Variants in SLC50A1 observed in about 807,000 individuals in gnomAD.
SLC50A1 encodes the protein solute carrier family 50 member 1, also known as sugar transporter SWEET1.
In SLC50A1, 22 loss-of-function variants were observed where a neutral mutation model predicts 28.9. The ratio of observed to expected loss-of-function variants is 0.76; its 90% confidence interval spans 0.54 to 1.09. The LOEUF (loss-of-function observed/expected upper bound fraction) is 1.09. SLC50A1 is among the 50% of genes least tolerant of loss of function. The pLI is 0.00. For synonymous variants in SLC50A1, 96 were observed against 110.6 expected (o/e 0.87, Z 0.83); for missense variants, 233 against 273.4 (o/e 0.85, Z 1.04).
chr1:155,137,276 G>A, intron 3 of SLC50A1: 1 of 552,750 alleles, frequency 1.8e-6, no homozygotes, highest in Non-Finnish European at 3.2e-6. Flanking sequence ...GAGATGATTA[G>A]CTCTGCGTCC....
intron 1 of SLC50A1, 141 bp downstream of exon 1, chr1:155,136,132 G>A: frequency 9.0e-7 from 1 of 1,114,272 alleles, no homozygotes. Flanking sequence ...GGGGTACAAG[G>A]GCGAGGCTGG....
At chr1:155,137,432 G>A (rs917930352) in intron 3 of SLC50A1, 129 bp from the exon 4 acceptor site, 10 of 1,074,108 alleles carry the variant, frequency 9.3e-6, no homozygotes, top group Non-Finnish European at 1.3e-5. Context: ...AAGAAGCTGT[G>A]ACAGTGCAGT....
At position 155,137,569 on chromosome 1, in the gene SLC50A1, G is replaced by A. The variant is rs1664561342; in HGVS notation, c.291G>A (p.Val97=). The A allele has an allele frequency of 6.2e-7, 1 of 1,613,952 alleles. No homozygotes were observed. Among genetic ancestry groups the A allele is most frequent in the Admixed American group, 1.7e-5 (1 of 59,990 alleles). ...YLHYCPRKRV[V]LLQTATLLGV... ...TACTCTCTCCCCTGCAGCGTGTTGT[G>A]CTCCTACAGACTGCAACCCTGCTAG... Residue 97 remains valine, a synonymous_variant, in exon 4 of 6, where the codon GTG becomes GTA. Transcript: ENST00000368404.
chr1:155,135,964 T>C lies in SLC50A1; in HGVS notation c.53T>C (p.Phe18Ser), dbSNP rs755410334. 7.4e-6 allele frequency: 12 copies of C among 1,613,982 alleles called. No individual in the cohort carries two copies. Among genetic ancestry groups the C allele is most frequent in the Admixed American group, 1.7e-5 (1 of 60,012 alleles). The change falls in exon 1 of 6, where the codon TTC (phenylalanine) becomes TCC (serine). Residue 18 changes from phenylalanine (F) to serine (S), a missense_variant. By Grantham distance (155) the Phe-to-Ser change is radical (BLOSUM62 -2). Transcript: ENST00000368404. ...DSLIYGACVVFTLGMFSAGLS... is the reference protein window; with the variant it reads ...DSLIYGACVVSTLGMFSAGLS... ...CTCATTTACGGAGCATGCGTGGTCT[T>C]CACCCTTGGCATGTTCTCCGCCGGC...
chr1:155,135,950 A>G lies in SLC50A1; in HGVS notation c.39A>G (p.Gly13=). ...GCTTTCTGGACTCGCTCATTTACGG[A>G]GCATGCGTGGTCTTCACCCTTGGCA... ...AGGFLDSLIY[G]ACVVFTLGMF... The change falls in exon 1 of 6, where the codon GGA becomes GGG. Residue 13 remains glycine, a synonymous_variant. Transcript: ENST00000368404. 1 of 1,613,874 alleles carries G rather than the reference A, an allele frequency of 6.2e-7. No individual in the cohort carries two copies. The highest frequency in any genetic ancestry group is 8.5e-7 in the Non-Finnish European group (1 of 1,179,958).
chr1:155,138,127 G>A, intron 5 of SLC50A1, 29 bp downstream of exon 5: 1 of 1,614,130 alleles, frequency 6.2e-7, no homozygotes, highest in Non-Finnish European at 8.5e-7. Flanking sequence ...GGGTGACAGG[G>A]GTGCAAGATG....
chr1:155,137,592 TA>T lies in SLC50A1; in HGVS notation c.315del (p.Val107SerfsTer45). The T allele has an allele frequency of 6.2e-7, 1 of 1,614,124 alleles. No individual in the cohort carries two copies. Among genetic ancestry groups the T allele is most frequent in the Non-Finnish European group, 8.5e-7 (1 of 1,179,974 alleles). On this transcript the variant is annotated frameshift_variant, in exon 4 of 6. Transcript: ENST00000368404. LOFTEE classifies it high-confidence loss of function. The stretch of plus-strand genomic sequence containing the variant: ...GTGCTCCTACAGACTGCAACCCTGC[TA>T]GGGGTCCTTCTCCTGGGTTATGGCT... The part of the protein sequence containing the change: ...RVVLLQTATL[L>X]GVLLLGYGYF...
In SLC50A1 at chr1:155,137,626, G is replaced by T; in HGVS notation, c.348G>T (p.Trp116Cys). Residue 116 changes from tryptophan (W) to cysteine (C), a missense_variant, in exon 4 of 6, where the codon TGG (tryptophan) becomes TGT (cysteine). By Grantham distance (215) the Trp-to-Cys change is radical. Transcript: ENST00000368404. ...TTCTCCTGGGTTATGGCTACTTTTG[G>T]CTCCTGGTACCCAACCCTGAGGCCC... The part of the protein sequence containing the change: ...GVLLLGYGYF[W>C]LLVPNPEARL... 6.2e-7 allele frequency: 1 copy of T among 1,614,204 alleles called. No homozygotes were observed. The highest frequency in any genetic ancestry group is 8.5e-7 in the Non-Finnish European group (1 of 1,180,032).
Position 155,137,588 on chromosome 1 carries a change from C to A in SLC50A1, c.310C>A (p.Leu104Met). 1.9e-6 allele frequency: 3 copies of A among 1,614,122 alleles called. No homozygotes were observed. Among genetic ancestry groups the A allele is most frequent in the Non-Finnish European group, 2.5e-6 (3 of 1,180,000 alleles). ...KRVVLLQTAT[L>M]LGVLLLGYGY... ...TGTTGTGCTCCTACAGACTGCAACCCTGCTAGGGGTCCTTCTCCTGGGTTA... is the reference window on the plus strand; with the variant it reads ...TGTTGTGCTCCTACAGACTGCAACCATGCTAGGGGTCCTTCTCCTGGGTTA... Residue 104 changes from leucine (L) to methionine (M), a missense_variant, in exon 4 of 6, where the codon CTG becomes ATG. Physicochemically the swap from Leu to Met is conservative, Grantham distance 15. Transcript: ENST00000368404.
rs752551689 is a variant in SLC50A1 at position 155,137,603 on chromosome 1, C to A, written c.325C>A (p.Leu109Ile). The change falls in exon 4 of 6, where the codon CTC (leucine) becomes ATC (isoleucine). Residue 109 changes from leucine (L) to isoleucine (I), a missense_variant. By Grantham distance (5) the Leu-to-Ile change is conservative. Transcript: ENST00000368404. ...GACTGCAACCCTGCTAGGGGTCCTT[C>A]TCCTGGGTTATGGCTACTTTTGGCT... ...LQTATLLGVL[L>I]LGYGYFWLLV... 6.2e-7 allele frequency: 1 copy of A among 1,614,216 alleles called. No homozygotes were observed. The highest frequency in any genetic ancestry group is 1.7e-5 in the Admixed American group (1 of 60,030).
chr1:155,138,116 G>A lies in SLC50A1; in HGVS notation c.564+18G>A, dbSNP rs759628355. ...ATATCATGGTAAGCACAACTGGGATGGGGTGACAGGGGTGCAAGATGGAAA... is the reference window on the plus strand; with the variant it reads ...ATATCATGGTAAGCACAACTGGGATAGGGTGACAGGGGTGCAAGATGGAAA... On this transcript the variant is annotated intron_variant, in intron 5 of 5. Transcript: ENST00000368404. 2.5e-6 allele frequency: 4 copies of A among 1,614,050 alleles called. No individual in the cohort carries two copies. In the African/African-American group the frequency reaches 4.0e-5, roughly 16 times the overall value.
At chr1:155,135,837 G>A (rs1285003965), upstream of SLC50A1, 2 of 1,599,932 alleles carry the variant, frequency 1.3e-6, no homozygotes, top group African/African-American at 2.7e-5. Flanking sequence ...CAGAGCCGCA[G>A]GTCTGGGCTG....
chr1:155,137,367 A>G (rs558277173), intron 3 of SLC50A1, among the ~76,000 whole-genome samples, 194 bp from the exon 4 acceptor site: 5 of 152,338 alleles, frequency 3.3e-5, no homozygotes, highest in African/African-American at 9.6e-5. Context: ...TATCTCCCCC[A>G]GAAGTCTCCA....
intron 4 of SLC50A1, 89 bp downstream of exon 4, chr1:155,137,811 A>C: frequency 1.3e-6 from 2 of 1,583,886 alleles, no homozygotes; most frequent in South Asian, 2.3e-5. Flanking sequence ...GGAAGGGGAG[A>C]TCCAAACCCT....
chr1:155,135,556 G>A (rs1050339222), upstream of SLC50A1: 16 of 1,537,752 alleles, frequency 1.0e-5, no homozygotes, highest in Non-Finnish European at 1.2e-5. Flanking sequence ...AGGCCTGTGG[G>A]AACACGAGCG....
upstream of SLC50A1, chr1:155,135,714 G>A (rs781229213): frequency 5.9e-5 from 92 of 1,549,878 alleles, no homozygotes; most frequent in Middle Eastern, 1.4e-3. Flanking sequence ...GCGCTCGGAG[G>A]AGAGGGGCGC....
intron 3 of SLC50A1, 200 bp downstream of exon 3, chr1:155,137,151 C>A: frequency 1.5e-6 from 1 of 682,810 alleles, no homozygotes; most frequent in Non-Finnish European, 2.4e-6. Context: ...AGGCTGGTAG[C>A]TCTGCCTAGC....
chr1:155,138,259 A>T lies in SLC50A1; in HGVS notation c.644A>T (p.Asn215Ile), dbSNP rs766377154. Residue 215 changes from asparagine to isoleucine, a missense_variant, in exon 6 of 6, where the codon AAC becomes ATC. Asn to Ile is a moderately radical substitution (Grantham distance 149, BLOSUM62 -3). Coordinates refer to ENST00000368404, the MANE Select transcript of SLC50A1 (RefSeq NM_018845.4). ...AAGTACCCCCAGGAGCAAGACAGGA[A>T]CTACTGGCTCCTGCAAACCTGAGGC... is the stretch of plus-strand genomic sequence containing the variant. ...FWKYPQEQDR[N>I]YWLLQT is the part of the protein sequence containing the mutation. 4 of 1,614,032 alleles carry T rather than the reference A, an allele frequency of 2.5e-6. No homozygotes were observed. The highest frequency in any genetic ancestry group is 3.4e-6 in the Non-Finnish European group (4 of 1,180,034).
chr1:155,135,879 G>A lies in SLC50A1; in HGVS notation c.-33G>A, dbSNP rs754004699. On this transcript the variant is annotated 5_prime_UTR_variant, in exon 1 of 6. Transcript: ENST00000368404. Reference sequence around the variant, plus strand: ...GTCCCGGCAACCGCAGGCTCGCGGCGGGCGCTGGGCGCGGGATCCGACTCT... The same window carrying A: ...GTCCCGGCAACCGCAGGCTCGCGGCAGGCGCTGGGCGCGGGATCCGACTCT... 6.2e-7 allele frequency: 1 copy of A among 1,602,922 alleles called. No homozygotes were observed. Among genetic ancestry groups the A allele is most frequent in the Non-Finnish European group, 8.5e-7 (1 of 1,175,758 alleles).
Sources: allele counts gnomAD v4.1 joint callset (sites outside exome capture counted in the v4.1 genomes callset), GRCh38; gene constraint gnomAD v4.1.1; transcripts MANE v1.5; gene names NCBI Gene and HGNC (gene_info 2026-07-23, HGNC 2026-07-21).